The following ZNF846 variants were observed in gnomAD, a reference collection of about 807,000 sequenced individuals.
ZNF846 encodes the protein zinc finger protein 420 pseudogene.
ZNF846 carries 15 observed loss-of-function variants against 16.0 expected under a neutral mutation model. That is an observed-to-expected ratio of 0.94 (90% confidence interval 0.63 to 1.45). ZNF846 has a LOEUF of 1.45. Among genes scored for constraint, ZNF846 ranks in the 40% most tolerant of loss-of-function variants. The pLI is 0.00. For missense variants in ZNF846, 714 were observed against 622.3 expected, an observed-to-expected ratio of 1.15 and a Z score of -1.57; for synonymous variants, 229 against 212.0, an observed-to-expected ratio of 1.08 and a Z score of -0.70.
At chr19:9,758,029 A>T in exon 6 of ZNF846, 1 of 1,613,468 alleles carries the variant, frequency 6.2e-7, no homozygotes, top group East Asian at 2.2e-5. Context: ...AGGTATGAGG[A>T]ATGAATAAAA....
chr19:9,758,591 T>G, exon 6 of ZNF846: 1 of 1,612,822 alleles, frequency 6.2e-7, no homozygotes, highest in South Asian at 1.1e-5. Context: ...CAGCATGACT[T>G]TTCTTGTAAA....
At chr19:9,785,147 C>T (rs2045544747) in intron 1 of ZNF846, among the ~76,000 whole-genome samples, 1 of 152,034 alleles carries the variant, frequency 6.6e-6, no homozygotes, top group Non-Finnish European at 1.5e-5. Flanking sequence ...AATACCCCGG[C>T]CCCATCTGTT....
rs772619473 is a variant in ZNF846, at chr19:9,757,911, GTA to G, written c.1164_1165del (p.Thr389TrpfsTer6). 3.7e-6 allele frequency: 6 copies of G among 1,613,356 alleles called. No individual in the cohort carries two copies. The African/African-American group carries it at 8.1e-5, about 22-fold the overall frequency. Reference sequence around the variant, plus strand: ...TTTACATTCATAGGGCTTTTCTCCAGTATGTGTTCTCATGTGTAAAACAAGTC... The same window carrying G: ...TTTACATTCATAGGGCTTTTCTCCAGTGTGTTCTCATGTGTAAAACAAGTC... On this transcript the variant is annotated frameshift_variant, in exon 6 of 6. Coordinates refer to ENST00000397902, the Ensembl canonical transcript of ZNF846. LOFTEE classifies it low-confidence loss of function (END_TRUNC).
intron 1 of ZNF846, among the ~76,000 whole-genome samples, chr19:9,785,602 G>T (rs1206676864): frequency 2.7e-5 from 2 of 74,416 alleles, no homozygotes; most frequent in African/African-American, 5.6e-5. Context: ...CTCCCTCGCC[G>T]AGTCGCCGCC....
chr19:9,774,904 C>A lies in ZNF846; in HGVS notation c.-85-9869G>T, dbSNP rs576691398. 3.1e-6 allele frequency: 5 copies of A among 1,609,704 alleles called. No individual in the cohort carries two copies. The African/African-American group carries it at 4.0e-5, about 13-fold the overall frequency. ...AATACTCTAAGGACCGTAAAAAATT[C>A]TGTAAGAATGCTGAAGAGTTTACAA... is the stretch of plus-strand genomic sequence containing the variant. On this transcript the variant is annotated intron_variant, in intron 1 of 4. Transcript: ENST00000586814.
intron 1 of ZNF846, among the ~76,000 whole-genome samples, chr19:9,780,651 G>C (rs909848644): frequency 1.3e-5 from 2 of 151,950 alleles, no homozygotes; most frequent in Non-Finnish European, 2.9e-5. Context: ...GTTTCACCAT[G>C]TTGGCTAGGC....
At chr19:9,767,282 T>G (rs2045331745) in intron 1 of ZNF846, among the ~76,000 whole-genome samples, 1 of 151,914 alleles carries the variant, frequency 6.6e-6, no homozygotes, top group African/African-American at 2.4e-5. Context: ...ATTACAGGCA[T>G]GCCCCACCAC....
chr19:9,765,779 T>C lies in ZNF846; in HGVS notation c.-85-744A>G, dbSNP rs1043598221. Among the ~76,000 whole-genome samples, 5 of 152,118 alleles carry C rather than the reference T, an allele frequency of 3.3e-5. No homozygotes were observed. In the East Asian group the frequency reaches 7.8e-4, roughly 24 times the overall value. On this transcript the variant is annotated intron_variant, in intron 1 of 5. Transcript: ENST00000397902. ...ATTGTAATACTATTCTGACACTTAA[T>C]ACTCTAATTGTCCAGGGGGTGGCTC...
intron 1 of ZNF846, among the ~76,000 whole-genome samples, chr19:9,783,010 C>T (rs2045517095): frequency 6.6e-6 from 1 of 151,838 alleles, no homozygotes. Flanking sequence ...CAGCCTTGAC[C>T]TCCCAGGCTC....
chr19:9,771,260 C>A (rs1026952575), upstream of ZNF846, among the ~76,000 whole-genome samples: 5 of 151,974 alleles, frequency 3.3e-5, no homozygotes, highest in African/African-American at 1.2e-4. Flanking sequence ...TCTTGGCAAC[C>A]TCCGCCTCCC....
exon 6 of ZNF846, chr19:9,757,723 A>T: frequency 6.2e-7 from 1 of 1,613,388 alleles, no homozygotes; most frequent in East Asian, 2.2e-5. Flanking sequence ...CATTCCTTAC[A>T]TTCACAGGCC....
Position 9,762,176 on chromosome 19 carries a change from G to C in ZNF846, c.143-8C>G. 1 of 1,612,102 alleles carries C rather than the reference G, an allele frequency of 6.2e-7. No individual in the cohort carries two copies. Among genetic ancestry groups the C allele is most frequent in the Non-Finnish European group, 8.5e-7 (1 of 1,178,462 alleles). On this transcript the variant is annotated splice_region_variant and splice_polypyrimidine_tract_variant and intron_variant, in intron 3 of 5. Coordinates refer to ENST00000397902, the Ensembl canonical transcript of ZNF846. ...TGAATAATTCAGACCCTGCTGGAGG[G>C]AAAAATGCACAAAAGAAGAGGCCCA...
At chr19:9,774,484 T>C in intron 1 of ZNF846, 3 of 855,388 alleles carry the variant, frequency 3.5e-6, no homozygotes, top group Non-Finnish European at 5.6e-6. Flanking sequence ...AAAAAAAAAA[T>C]ACCAAATCCA....
At chr19:9,767,523 A>G (rs2045336908) in intron 1 of ZNF846, among the ~76,000 whole-genome samples, 1 of 152,182 alleles carries the variant, frequency 6.6e-6, no homozygotes, top group Non-Finnish European at 1.5e-5. Context: ...AAGGATATAT[A>G]ATAGGTGTTC....
chr19:9,769,119 C>G (rs1165804213), upstream of ZNF846, among the ~76,000 whole-genome samples: 1 of 152,184 alleles, frequency 6.6e-6, no homozygotes, highest in Non-Finnish European at 1.5e-5. Flanking sequence ...AGGCTCCGGT[C>G]TGTCGCCTAG....
At chr19:9,755,644 CA>C (rs1253151330), downstream of ZNF846, 1 of 147,368 alleles carries the variant, frequency 6.8e-6, no homozygotes. Flanking sequence ...ACTAAAAATA[CA>C]AAAAATTAGC....
At chr19:9,752,376 G>A (rs965931139) in exon 6 of ZNF846, 7 of 318,112 alleles carry the variant, frequency 2.2e-5, no homozygotes, top group Non-Finnish European at 3.9e-5. Flanking sequence ...GGGAGGCCAA[G>A]GTGGGTGGAT....
At chr19:9,783,544 AATATAT>A (rs1555714919) in intron 1 of ZNF846, among the ~76,000 whole-genome samples, 15 of 108,802 alleles carry the variant, frequency 1.4e-4, no homozygotes, top group African/African-American at 5.3e-4. Flanking sequence ...AAAAAAAAAA[AATATAT>A]ATATATATAT....
At chr19:9,752,381 G>T in exon 6 of ZNF846, 1 of 324,612 alleles carries the variant, frequency 3.1e-6, no homozygotes, top group Admixed American at 3.2e-5. Flanking sequence ...GCCAAGGTGG[G>T]TGGATCACCT....
Sources: gnomAD v4.1 joint callset for allele counts (sites outside exome capture counted in the v4.1 genomes callset) on GRCh38, gnomAD v4.1.1 for gene constraint, MANE v1.5 for transcripts, NCBI Gene and HGNC (gene_info 2026-07-23, HGNC 2026-07-21) for gene names.